The following MTHFS variants were observed in gnomAD, a reference collection of about 807,000 sequenced individuals.
The protein encoded by MTHFS is methenyltetrahydrofolate synthetase.
A neutral mutation model predicts 12.7 loss-of-function variants in MTHFS; 7 were observed. The ratio of observed to expected loss-of-function variants is 0.55; its 90% confidence interval spans 0.31 to 1.03. MTHFS has a LOEUF of 1.03. MTHFS is among the 50% of genes least tolerant of loss of function. The probability of loss-of-function intolerance (pLI) is 0.05; values close to 1 mark genes in which losing one functional copy is unlikely to be tolerated. For missense variants in MTHFS, 252 were observed against 258.1 expected, an observed-to-expected ratio of 0.98 and a Z score of 0.16; for synonymous variants, 100 against 97.1, an observed-to-expected ratio of 1.03 and a Z score of -0.18.
chr15:79,882,913 TA>T (rs780968082), intron 2 of MTHFS, among the ~76,000 whole-genome samples: 3 of 152,156 alleles, frequency 2.0e-5, no homozygotes, highest in African/African-American at 7.2e-5. Context: ...CTCACAAATA[TA>T]AAAAATGTTG....
chr15:79,893,339 T>C (rs12900601), intron 1 of MTHFS, among the ~76,000 whole-genome samples: 44,915 of 151,048 alleles, frequency 0.3, 7,081 homozygotes, highest in Middle Eastern at 0.39. Context: ...GAGGCGAAGG[T>C]TGCAGTGAGC....
intron 2 of MTHFS, among the ~76,000 whole-genome samples, chr15:79,866,804 T>C (rs2034019704): frequency 6.6e-6 from 1 of 151,890 alleles, no homozygotes; most frequent in Non-Finnish European, 1.5e-5. Flanking sequence ...CACAAAAAAG[T>C]TAGCTGGGCA....
intron 2 of MTHFS, among the ~76,000 whole-genome samples, chr15:79,880,632 A>G (rs2141369284): frequency 6.6e-6 from 1 of 152,206 alleles, no homozygotes; most frequent in East Asian, 1.9e-4. Flanking sequence ...AAAATGTTTG[A>G]AGACTATTTA....
intron 2 of MTHFS, among the ~76,000 whole-genome samples, chr15:79,857,727 AACCCAAAATCCGGCTGGGC>A (rs1397362133): frequency 3.3e-5 from 5 of 152,068 alleles, no homozygotes; most frequent in Admixed American, 1.3e-4. Context: ...TTGCTCTTAA[AACCCAAAATCCGGCTGGGC>A]ACAGTGGCTC....
At chr15:79,864,245 T>C (rs1457785537) in intron 2 of MTHFS, among the ~76,000 whole-genome samples, 2 of 152,150 alleles carry the variant, frequency 1.3e-5, no homozygotes, top group Non-Finnish European at 2.9e-5. Context: ...TCACTGTCTC[T>C]GTACAAAAAG....
rs777073037 is a variant in MTHFS, at chr15:79,889,272, ATCTCT to A, written c.195_199del (p.Glu65AspfsTer50). On this transcript the variant is annotated frameshift_variant, in exon 2 of 3. Transcript: ENST00000258874. LOFTEE classifies it high-confidence loss of function. ...GCCTCGTTGGAAAATGTCCTTGATG[ATCTCT>A]TCTGTCTCAATTTCATCTTGCATGC... 1 of 1,614,044 alleles carries A rather than the reference ATCTCT, an allele frequency of 6.2e-7. No homozygotes were observed. The highest frequency in any genetic ancestry group is 2.2e-5 in the East Asian group (1 of 44,876).
At chr15:79,857,093 T>C (rs896032172) in intron 2 of MTHFS, among the ~76,000 whole-genome samples, 2 of 151,998 alleles carry the variant, frequency 1.3e-5, no homozygotes, top group African/African-American at 2.4e-5. Flanking sequence ...CCTCCCGGGT[T>C]CAAGCCATTC....
Position 79,889,161 on chromosome 15 carries a change from A to G in MTHFS, c.311T>C (p.Leu104Pro). 1 of 1,614,212 alleles carries G rather than the reference A, an allele frequency of 6.2e-7. No homozygotes were observed. Among genetic ancestry groups the G allele is most frequent in the Non-Finnish European group, 8.5e-7 (1 of 1,180,040 alleles). ...AGGGATATTCCAGGATGTTTTGGGA[A>G]GTAAAGAAATTTCCTCTGGTGATTC... Reference protein sequence around the residue: ...RIESPEEISLLPKTSWNIPQP... With the variant: ...RIESPEEISLPPKTSWNIPQP... The change falls in exon 2 of 3, where the codon CTT (leucine) becomes CCT (proline). Residue 104 changes from leucine (L) to proline (P), a missense_variant. Leu to Pro is a moderately conservative substitution (Grantham distance 98). Transcript: ENST00000258874.
At chr15:79,878,424 A>C (rs2034237723) in intron 2 of MTHFS, among the ~76,000 whole-genome samples, 2 of 151,350 alleles carry the variant, frequency 1.3e-5, no homozygotes, top group East Asian at 1.9e-4. Flanking sequence ...ATACAGAGGC[A>C]AGACAAGACG....
chr15:79,880,891 C>T (rs944478817), intron 2 of MTHFS, among the ~76,000 whole-genome samples: 5 of 151,472 alleles, frequency 3.3e-5, no homozygotes, highest in Non-Finnish European at 4.4e-5. Flanking sequence ...AAATACAGGG[C>T]GAAAACACAG....
At chr15:79,896,837 G>C in intron 1 of MTHFS, 35 bp downstream of exon 1, 1 of 1,538,740 alleles carries the variant, frequency 6.5e-7, no homozygotes. Flanking sequence ...CGGAGGGTCT[G>C]TCCGCCGCGG....
At chr15:79,871,936 C>T (rs1158944044) in intron 2 of MTHFS, among the ~76,000 whole-genome samples, 2 of 151,630 alleles carry the variant, frequency 1.3e-5, no homozygotes, top group Non-Finnish European at 2.9e-5. Flanking sequence ...AACCCCATCT[C>T]TACCGAAAAA....
chr15:79,854,568 T>A (rs2033769065), intron 2 of MTHFS, among the ~76,000 whole-genome samples: 1 of 152,228 alleles, frequency 6.6e-6, no homozygotes, highest in Non-Finnish European at 1.5e-5. Flanking sequence ...AAAATATGGT[T>A]ATTATCAGTG....
intron 1 of MTHFS, among the ~76,000 whole-genome samples, chr15:79,889,875 T>C (rs1017920494): frequency 1.3e-5 from 2 of 152,170 alleles, no homozygotes; most frequent in Non-Finnish European, 2.9e-5. Flanking sequence ...AGAGTTAATA[T>C]ATACCTTAAT....
intron 2 of MTHFS, among the ~76,000 whole-genome samples, chr15:79,887,674 G>A (rs866194812): frequency 5.9e-5 from 9 of 152,236 alleles, no homozygotes; most frequent in Middle Eastern, 3.4e-3. Context: ...TTTTCTTCTC[G>A]ATAAACCTAG....
chr15:79,848,624 T>C (rs1220985801), intron 2 of MTHFS, among the ~76,000 whole-genome samples: 1 of 152,230 alleles, frequency 6.6e-6, no homozygotes, highest in African/African-American at 2.4e-5. Context: ...CATCCACATT[T>C]AGGTAGTTGG....
intron 2 of MTHFS, among the ~76,000 whole-genome samples, chr15:79,866,127 G>A (rs903785352): frequency 1.1e-4 from 17 of 151,584 alleles, no homozygotes; most frequent in East Asian, 3.9e-4. Flanking sequence ...GGTGGCATTC[G>A]AGAGGCTAAT....
At chr15:79,848,130 A>G (rs555260769) in intron 2 of MTHFS, among the ~76,000 whole-genome samples, 1 of 152,360 alleles carries the variant, frequency 6.6e-6, no homozygotes, top group East Asian at 1.9e-4. Flanking sequence ...AACAAACCAA[A>G]TGTGGTACAT....
chr15:79,857,050 C>G (rs1037837791), intron 2 of MTHFS, among the ~76,000 whole-genome samples: 1 of 150,914 alleles, frequency 6.6e-6, no homozygotes, highest in African/African-American at 2.4e-5. Context: ...GGCTGGAGTA[C>G]AGTAGCACGA....
Sources: allele counts gnomAD v4.1 joint callset (sites outside exome capture counted in the v4.1 genomes callset), GRCh38; gene constraint gnomAD v4.1.1; transcripts MANE v1.5; gene names NCBI Gene and HGNC (gene_info 2026-07-23, HGNC 2026-07-21).